Variants in SYNE2 observed in about 807,000 individuals in gnomAD.
SYNE2 encodes nesprin-2.
In SYNE2, 431 loss-of-function variants were observed where a neutral mutation model predicts 856.3. The observed-to-expected ratio is 0.50, with a 90% confidence interval of 0.47 to 0.55. The LOEUF (loss-of-function observed/expected upper bound fraction) is 0.55. SYNE2 is among the 20% of genes least tolerant of loss of function. The probability of loss-of-function intolerance (pLI) is 0.00; values close to 1 mark genes in which losing one functional copy is unlikely to be tolerated. For synonymous variants in SYNE2, 2,923 were observed against 2,872.3 expected (o/e 1.02, Z -0.56); for missense variants, 8,129 against 8,023.2 (o/e 1.01, Z -0.50).
chr14:63,907,892 T>C (rs1354035539), intron 1 of SYNE2, among the ~76,000 whole-genome samples: 1 of 152,176 alleles, frequency 6.6e-6, no homozygotes, highest in Non-Finnish European at 1.5e-5. Context: ...TCATCTTAAT[T>C]TGGAGGATAA....
intron 57 of SYNE2, among the ~76,000 whole-genome samples, chr14:64,087,202 TTTTAGTGACTTG>T (rs2097570217): frequency 3.3e-5 from 5 of 151,792 alleles, no homozygotes; most frequent in African/African-American, 9.7e-5. Context: ...ACCCACTTAG[TTTTAGTGACTTG>T]TGACTGAAAT....
chr14:64,211,251 C>T (rs1033695325), intron 103 of SYNE2, among the ~76,000 whole-genome samples: 2 of 152,160 alleles, frequency 1.3e-5, no homozygotes, highest in East Asian at 1.9e-4. Context: ...GTGCTGGGAT[C>T]GTGGGTGTGA....
chr14:63,810,711 G>A (rs1012430904), intron 1 of SYNE2, among the ~76,000 whole-genome samples: 10 of 152,134 alleles, frequency 6.6e-5, no homozygotes, highest in Admixed American at 5.9e-4. Flanking sequence ...CCAGATTTAA[G>A]GAAGCCTTTT....
intron 1 of SYNE2, among the ~76,000 whole-genome samples, chr14:63,767,111 CT>C (rs11374988): frequency 8.9e-4 from 128 of 144,088 alleles, no homozygotes; most frequent in Admixed American, 2.1e-3. Flanking sequence ...TTTTTTTTAT[CT>C]TTTTTTTTTT....
At chr14:64,045,524 G>A (rs1401253142) in intron 45 of SYNE2, among the ~76,000 whole-genome samples, 1 of 152,120 alleles carries the variant, frequency 6.6e-6, no homozygotes, top group African/African-American at 2.4e-5. Context: ...CTGGCTCATA[G>A]GCAGAAAGCA....
chr14:64,022,106 C>A, intron 37 of SYNE2, 78 bp downstream of exon 37: 1 of 1,349,636 alleles, frequency 7.4e-7, no homozygotes, highest in Non-Finnish European at 1.1e-6. Flanking sequence ...AAAAGCTAAT[C>A]TAAGCCTGAC....
rs2097266138 is a variant in SYNE2 at position 64,056,032 on chromosome 14, T to G, written c.9833T>G (p.Ile3278Ser). 6.2e-7 allele frequency: 1 copy of G among 1,613,968 alleles called. No homozygotes were observed. Among genetic ancestry groups the G allele is most frequent in the Non-Finnish European group, 8.5e-7 (1 of 1,179,984 alleles). The stretch of plus-strand genomic sequence containing the variant: ...GAGAGCATCACTTCCCTCGAAGCCA[T>G]CATTATACCCTACAGAGTAGATGTT... ...AVESITSLEA[I>S]IIPYRVDVGN... Residue 3278 changes from isoleucine to serine, a missense_variant, in exon 49 of 116, where the codon ATC (isoleucine) becomes AGC (serine). Physicochemically the swap from Ile to Ser is moderately radical, Grantham distance 142. Coordinates refer to ENST00000555002, the MANE Select transcript of SYNE2 (RefSeq NM_182914.3).
At chr14:64,016,855 C>A (rs1284257402) in intron 33 of SYNE2, among the ~76,000 whole-genome samples, 2 of 151,998 alleles carry the variant, frequency 1.3e-5, no homozygotes, top group African/African-American at 4.8e-5. Flanking sequence ...AAAATAAGTT[C>A]TTTAATATAT....
intron 100 of SYNE2, among the ~76,000 whole-genome samples, chr14:64,205,950 A>G (rs1305359128): frequency 2.6e-5 from 4 of 152,062 alleles, no homozygotes; most frequent in African/African-American, 7.2e-5. Context: ...AACCATCCCA[A>G]TACCATCCTG....
intron 2 of SYNE2, among the ~76,000 whole-genome samples, chr14:63,931,376 C>T (rs2095752098): frequency 6.6e-6 from 1 of 151,738 alleles, no homozygotes; most frequent in Non-Finnish European, 1.5e-5. Context: ...ATGGTGAAAC[C>T]CCGTCTGTAC....
chr14:64,189,743 C>G (rs887811209), intron 98 of SYNE2, among the ~76,000 whole-genome samples: 1 of 152,176 alleles, frequency 6.6e-6, no homozygotes, highest in Non-Finnish European at 1.5e-5. Context: ...GAGATCATAG[C>G]TCACTGCAGC....
intron 6 of SYNE2, among the ~76,000 whole-genome samples, chr14:63,948,778 G>GTGTGTA (rs1219050974): frequency 3.9e-5 from 3 of 76,340 alleles, no homozygotes; most frequent in South Asian, 3.8e-4. Context: ...ATGTATGTGT[G>GTGTGTA]TGTGTATATA....
chr14:64,132,163 T>C (rs2153681614), intron 76 of SYNE2, 102 bp from the exon 77 acceptor site: 4 of 1,398,720 alleles, frequency 2.9e-6, no homozygotes, highest in East Asian at 2.3e-5. Flanking sequence ...CCTGGGATTT[T>C]GGATTTAAAA....
At position 63,981,180 on chromosome 14, in the gene SYNE2, G is replaced by T. The variant is rs751505457; in HGVS notation, c.1836+7G>T. On this transcript the variant is annotated splice_region_variant and intron_variant, in intron 16 of 115. Transcript: ENST00000555002. ...GAAGGAAGAAATTAAAGAGGTATTT[G>T]CAGTCTAATAGCATCTGCTCAATTT... The T allele has an allele frequency of 6.2e-7, 1 of 1,607,466 alleles. No homozygotes were observed. Among genetic ancestry groups the T allele is most frequent in the Non-Finnish European group, 8.5e-7 (1 of 1,174,204 alleles).
At chr14:64,018,768 C>T (rs2096914288) in intron 34 of SYNE2, among the ~76,000 whole-genome samples, 1 of 152,160 alleles carries the variant, frequency 6.6e-6, no homozygotes, top group African/African-American at 2.4e-5. Context: ...AGACGGCCTT[C>T]TTCATATTTG....
At chr14:63,802,703 T>C (rs1406195290) in intron 1 of SYNE2, among the ~76,000 whole-genome samples, 1 of 152,080 alleles carries the variant, frequency 6.6e-6, no homozygotes, top group Non-Finnish European at 1.5e-5. Context: ...ACGTGGCGCG[T>C]CTGGAGTCTG....
At chr14:64,191,689 G>A (rs1352887314) in intron 99 of SYNE2, among the ~76,000 whole-genome samples, 2 of 152,272 alleles carry the variant, frequency 1.3e-5, no homozygotes, top group South Asian at 2.1e-4. Flanking sequence ...TAGCAGTGGA[G>A]GGTTTGCTGA....
chr14:64,037,725 G>T (rs61984118), intron 45 of SYNE2, among the ~76,000 whole-genome samples: 15 of 13,968 alleles, frequency 1.1e-3, no homozygotes, highest in Non-Finnish European at 1.4e-3. Context: ...GAGGCGCCCC[G>T]CACCTCCCTC....
intron 1 of SYNE2, among the ~76,000 whole-genome samples, chr14:63,891,388 T>C (rs1031969819): frequency 6.6e-6 from 1 of 152,118 alleles, no homozygotes; most frequent in Non-Finnish European, 1.5e-5. Context: ...GGAAGGTGAC[T>C]AGGAAATGTG....
Sources: allele counts gnomAD v4.1 joint callset (sites outside exome capture counted in the v4.1 genomes callset), GRCh38; gene constraint gnomAD v4.1.1; transcripts MANE v1.5; gene names NCBI Gene and HGNC (gene_info 2026-07-23, HGNC 2026-07-21).